CNTNAP2: variants seen among roughly 807,000 people sequenced by gnomAD.
CNTNAP2 encodes contactin-associated protein-like 2.
A neutral mutation model predicts 155.2 loss-of-function variants in CNTNAP2; 98 were observed. The ratio of observed to expected loss-of-function variants is 0.63; its 90% CI spans 0.54 to 0.75. The LOEUF (loss-of-function observed/expected upper bound fraction) is 0.75, where lower values mean the gene tolerates loss of function less well. Ranked by LOEUF, CNTNAP2 falls within the 30% of genes least tolerant of loss-of-function variation. The pLI, the probability that CNTNAP2 is intolerant of heterozygous loss-of-function variation, is 0.00. For synonymous variants in CNTNAP2, 651 were observed against 631.2 expected (o/e 1.03, Z -0.47); for missense variants, 1,727 against 1,688.1 (o/e 1.02, Z -0.40).
chr7:147,082,467 G>C (rs868356201), intron 4 of CNTNAP2: 2 of 152,096 alleles, frequency 1.3e-5, no homozygotes, highest in Non-Finnish European at 2.9e-5. Flanking sequence ...AAGGAGAATA[G>C]AAAACTAGTC....
chr7:148,069,545 G>A (rs867046473), intron 15 of CNTNAP2, among the ~76,000 whole-genome samples: 3 of 152,034 alleles, frequency 2.0e-5, no homozygotes, highest in Admixed American at 2.0e-4. Flanking sequence ...GGCGGATCAC[G>A]AGGTCAGGAG....
chr7:146,135,116 C>T (rs1313674946), intron 1 of CNTNAP2, among the ~76,000 whole-genome samples: 1 of 152,010 alleles, frequency 6.6e-6, no homozygotes, highest in Non-Finnish European at 1.5e-5. Context: ...CTATGGACCA[C>T]ACATTGAGTA....
At chr7:147,372,769 ACAATCC>A (rs1796368330) in intron 9 of CNTNAP2, among the ~76,000 whole-genome samples, 1 of 152,072 alleles carries the variant, frequency 6.6e-6, no homozygotes, top group Admixed American at 6.6e-5. Flanking sequence ...AGCCTGAACC[ACAATCC>A]CAATGGGATC....
intron 9 of CNTNAP2, among the ~76,000 whole-genome samples, chr7:147,308,389 G>A (rs903157930): frequency 2.0e-5 from 3 of 152,152 alleles, no homozygotes; most frequent in African/African-American, 7.2e-5. Context: ...GAGAACAGTG[G>A]CAACTATTGC....
chr7:147,136,038 AC>A (rs1686658690), intron 8 of CNTNAP2, among the ~76,000 whole-genome samples: 1 of 151,500 alleles, frequency 6.6e-6, no homozygotes, highest in Admixed American at 6.6e-5. Context: ...AAAAAAAAAA[AC>A]CTACCTTTTG....
At chr7:146,138,077 G>C (rs1013709702) in intron 1 of CNTNAP2, among the ~76,000 whole-genome samples, 8 of 151,914 alleles carry the variant, frequency 5.3e-5, no homozygotes, top group Non-Finnish European at 1.2e-4. Context: ...CCAGATATGT[G>C]ACATAATATA....
At position 147,966,303 on chromosome 7, in the gene CNTNAP2, G is replaced by A. The variant is rs138052190; in HGVS notation, c.2256-11559G>A. 4.8e-3 allele frequency among the ~76,000 whole-genome samples: 735 copies of A among 152,220 alleles called. 8 individuals carry two copies. The highest frequency in any genetic ancestry group is 0.017 in the African/African-American group (717 of 41,548). ...TTCAAAGCATATTGTACTTCCTTCTGAGGCCAAATGCATCAGAACTAATGC... is the reference window on the plus strand; with the variant it reads ...TTCAAAGCATATTGTACTTCCTTCTAAGGCCAAATGCATCAGAACTAATGC... On this transcript the variant is annotated intron_variant, in intron 14 of 23. Transcript: ENST00000361727.
At chr7:146,472,196 A>G (rs1308817014) in intron 1 of CNTNAP2, among the ~76,000 whole-genome samples, 1 of 152,168 alleles carries the variant, frequency 6.6e-6, no homozygotes, top group Non-Finnish European at 1.5e-5. Flanking sequence ...TTCCACATTA[A>G]TATATTTAGA....
chr7:147,655,867 A>C (rs1003982418), intron 13 of CNTNAP2, among the ~76,000 whole-genome samples: 2 of 152,186 alleles, frequency 1.3e-5, no homozygotes, highest in Non-Finnish European at 2.9e-5. Flanking sequence ...TTTAGCTGTG[A>C]GTGTCCTAGA....
chr7:147,009,821 C>T (rs547373010), intron 3 of CNTNAP2, among the ~76,000 whole-genome samples: 1 of 152,086 alleles, frequency 6.6e-6, no homozygotes, highest in Non-Finnish European at 1.5e-5. Context: ...CACAATGTTT[C>T]AACAAAATCA....
At chr7:148,093,882 A>G (rs917073636) in intron 15 of CNTNAP2, among the ~76,000 whole-genome samples, 2 of 152,032 alleles carry the variant, frequency 1.3e-5, no homozygotes, top group South Asian at 2.1e-4. Flanking sequence ...TCAACCTCCC[A>G]AGATGCTGTA....
At chr7:147,240,825 C>T (rs974436087) in intron 8 of CNTNAP2, among the ~76,000 whole-genome samples, 8 of 152,130 alleles carry the variant, frequency 5.3e-5, no homozygotes, top group African/African-American at 9.7e-5. Context: ...AATTCTGTGT[C>T]GAAGGGCATT....
At chr7:146,649,289 A>T (rs1444828752) in intron 1 of CNTNAP2, among the ~76,000 whole-genome samples, 2 of 152,112 alleles carry the variant, frequency 1.3e-5, no homozygotes, top group Non-Finnish European at 2.9e-5. Flanking sequence ...ACCAAGTTTT[A>T]TTGATCAACA....
chr7:147,902,778 T>TTGTG lies in CNTNAP2; in HGVS notation c.2099-755_2099-752dup, dbSNP rs564991239. Among the ~76,000 whole-genome samples, 991 of 136,590 alleles carry TTGTG rather than the reference T, an allele frequency of 7.3e-3. 6 individuals are homozygous for TTGTG. Among genetic ancestry groups the TTGTG allele is most frequent in the South Asian group, 0.027 (106 of 3,992 alleles). The allele number at this position is 136,590 out of a possible 152,430, so 89.6% of individuals were successfully genotyped here. ...CTGAGTAGTATTCCATCATATATGT[T>TTGTG]TGTGTGTGTGTGTGTGTGTGTGTGT... is the stretch of plus-strand genomic sequence containing the variant. On this transcript the variant is annotated intron_variant, in intron 13 of 23. Coordinates refer to ENST00000361727, the MANE Select transcript of CNTNAP2 (RefSeq NM_014141.6).
intron 14 of CNTNAP2, among the ~76,000 whole-genome samples, chr7:147,959,813 A>G (rs1801085213): frequency 6.6e-6 from 1 of 152,078 alleles, no homozygotes; most frequent in Admixed American, 6.6e-5. Flanking sequence ...CTAGTCCTCA[A>G]CTTGGTTCAG....
chr7:146,403,552 A>T (rs1291843814), intron 1 of CNTNAP2, among the ~76,000 whole-genome samples: 1 of 152,088 alleles, frequency 6.6e-6, no homozygotes, highest in African/African-American at 2.4e-5. Context: ...TGGGGGGAAA[A>T]GTTGATCAAT....
intron 1 of CNTNAP2, among the ~76,000 whole-genome samples, chr7:146,198,622 A>G (rs936568983): frequency 1.3e-5 from 2 of 152,178 alleles, no homozygotes; most frequent in Admixed American, 1.3e-4. Context: ...TACATCTTCT[A>G]TCTTAAATGT....
intron 21 of CNTNAP2, among the ~76,000 whole-genome samples, chr7:148,279,891 T>G (rs950954503): frequency 6.6e-6 from 1 of 152,200 alleles, no homozygotes; most frequent in African/African-American, 2.4e-5. Context: ...ACATACCCAA[T>G]GATCCCATTT....
At chr7:146,371,567 C>T (rs1005100196) in intron 1 of CNTNAP2, among the ~76,000 whole-genome samples, 2 of 151,554 alleles carry the variant, frequency 1.3e-5, no homozygotes, top group Non-Finnish European at 2.9e-5. Context: ...TTAGTAGAAA[C>T]GGGGTTTCAC....
Sources: gnomAD v4.1 joint callset for allele counts (sites outside exome capture counted in the v4.1 genomes callset) on GRCh38, gnomAD v4.1.1 for gene constraint, MANE v1.5 for transcripts, NCBI Gene and HGNC (gene_info 2026-07-23, HGNC 2026-07-21) for gene names.